Variants in RECQL5 observed in about 807,000 individuals in gnomAD.
RECQL5 encodes RecQ like helicase 5.
A neutral mutation model predicts 103.4 loss-of-function variants in RECQL5; 88 were observed. The ratio of observed to expected loss-of-function variants is 0.85; its 90% CI spans 0.72 to 1.02. The LOEUF (loss-of-function observed/expected upper bound fraction) is 1.02, where lower values mean the gene tolerates loss of function less well. Ranked by LOEUF, RECQL5 falls within the 50% of genes least tolerant of loss-of-function variation. RECQL5 has a pLI of 0.00. For synonymous variants in RECQL5, 552 were observed against 507.9 expected (o/e 1.09, Z -1.17); for missense variants, 1,232 against 1,284.3 (o/e 0.96, Z 0.62).
chr17:75,656,378 T>C (rs1029215148), intron 7 of RECQL5, among the ~76,000 whole-genome samples: 2 of 152,076 alleles, frequency 1.3e-5, no homozygotes, highest in Non-Finnish European at 2.9e-5. Flanking sequence ...GCACCCAGCC[T>C]ACTGGGGAGC....
intron 7 of RECQL5, among the ~76,000 whole-genome samples, chr17:75,657,723 G>A (rs902566956): frequency 6.6e-6 from 1 of 150,508 alleles, no homozygotes; most frequent in Non-Finnish European, 1.5e-5. Flanking sequence ...TTTAGCCTGG[G>A]TGACAGTGAG....
chr17:75,628,359 C>G lies in RECQL5; in HGVS notation c.2664G>C (p.Ser888=), dbSNP rs532669289. 6.2e-7 allele frequency: 1 copy of G among 1,613,958 alleles called. No homozygotes were observed. Among genetic ancestry groups the G allele is most frequent in the East Asian group, 2.2e-5 (1 of 44,898 alleles). Residue 888 remains serine, a synonymous_variant, in exon 18 of 20, where the codon TCG becomes TCC. Transcript: ENST00000317905. ...SVVAEVKGSV[S]ASEQGTLNPT... ...GATTCAAGGTGCCCTGTTCGCTGGC[C>G]GAGACGCTGCCCTTGACCTCAGCTA... is the stretch of plus-strand genomic sequence containing the variant.
rs748607605 is a variant in RECQL5, at chr17:75,630,848, G to GT, written c.1586-12_1586-11insA. ...GGGGACAGTTCTCATCTGTGGGGGG[G>GT]GGGGGTGGTCCTTGGTCCTTTCGCT... On this transcript the variant is annotated splice_polypyrimidine_tract_variant and intron_variant, in intron 11 of 19. Coordinates refer to ENST00000317905, the MANE Select transcript of RECQL5 (RefSeq NM_004259.7). 4.1e-6 allele frequency: 6 copies of GT among 1,457,010 alleles called. No homozygotes were observed. Among genetic ancestry groups the GT allele is most frequent in the Non-Finnish European group, 5.5e-6 (6 of 1,083,426 alleles). The allele number at this position is 1,457,010 out of a possible 1,614,324, so 90.3% of individuals were successfully genotyped here.
intron 7 of RECQL5, among the ~76,000 whole-genome samples, chr17:75,657,902 G>C (rs2059646896): frequency 6.6e-6 from 1 of 151,966 alleles, no homozygotes; most frequent in South Asian, 2.1e-4. Context: ...ACAAGAATTA[G>C]CTGGGCATGG....
chr17:75,635,728 G>A (rs550063179), intron 8 of RECQL5: 2 of 914,308 alleles, frequency 2.2e-6, no homozygotes, highest in African/African-American at 1.8e-5. Context: ...AACAGGGCAA[G>A]GGTGACTAAA....
rs1015680268 is a variant in RECQL5 at position 75,633,950 on chromosome 17, G to A, written c.1230-2282C>T. ...CTCTCAGGGCAGAGGTGAGGCACCG[G>A]GACATGAAGTTGGAGGACAAGTTCC... is the stretch of plus-strand genomic sequence containing the variant. On this transcript the variant is annotated intron_variant, in intron 8 of 19. Coordinates refer to ENST00000317905, the MANE Select transcript of RECQL5 (RefSeq NM_004259.7). 16 of 985,578 alleles carry A rather than the reference G, an allele frequency of 1.6e-5. No individual in the cohort carries two copies. The African/African-American group carries it at 2.8e-4, about 17-fold the overall frequency. The allele number at this position is 985,578 out of a possible 1,614,324, so 61.1% of individuals were successfully genotyped here.
chr17:75,657,318 G>A (rs1165432650), intron 7 of RECQL5, among the ~76,000 whole-genome samples: 2 of 152,004 alleles, frequency 1.3e-5, no homozygotes, highest in South Asian at 2.1e-4. Context: ...CCAGGAGTTC[G>A]AGGGTATACT....
chr17:75,658,740 A>G (rs1381742654), intron 6 of RECQL5, among the ~76,000 whole-genome samples: 1 of 152,238 alleles, frequency 6.6e-6, no homozygotes, highest in Non-Finnish European at 1.5e-5. Context: ...TACTGGACCT[A>G]AAGAAACAAA....
chr17:75,637,037 A>G (rs2059336644), intron 8 of RECQL5: 1 of 152,302 alleles, frequency 6.6e-6, no homozygotes, highest in Non-Finnish European at 1.5e-5. Context: ...TCCACCCGGC[A>G]TGAGTCTGCA....
At chr17:75,647,383 C>T (rs910163743) in intron 8 of RECQL5, 1 of 1,548,514 alleles carries the variant, frequency 6.5e-7, no homozygotes, top group Non-Finnish European at 8.7e-7. Flanking sequence ...TCTCATGGAC[C>T]AACTGGTATT....
At chr17:75,662,140 A>C (rs182926212) in intron 4 of RECQL5, among the ~76,000 whole-genome samples, 101 of 152,320 alleles carry the variant, frequency 6.6e-4, no homozygotes, top group African/African-American at 2.3e-3. Context: ...CAGCCTGGGC[A>C]ACAAGAGCAA....
intron 6 of RECQL5, among the ~76,000 whole-genome samples, chr17:75,660,663 T>C (rs1199997017): frequency 6.6e-6 from 1 of 152,202 alleles, no homozygotes; most frequent in Non-Finnish European, 1.5e-5. Context: ...CACCTCCTCA[T>C]AGGATCCACC....
chr17:75,635,744 CCATGACGAAACAA>C (rs1454438615), intron 8 of RECQL5: 1 of 976,074 alleles, frequency 1.0e-6, no homozygotes, highest in Admixed American at 6.1e-5. Flanking sequence ...CTAAAACCCA[CCATGACGAAACAA>C]CAGGGCAGAG....
chr17:75,647,309 A>T lies in RECQL5; in HGVS notation c.1229+3877T>A, dbSNP rs555210862. On this transcript the variant is annotated intron_variant, in intron 8 of 19. Transcript: ENST00000317905. ...AGGCTGGAGTCGGCGGGCAGAGCAT[A>T]GCACCTGGGACAGGGCCTGGGAGGG... 13 of 1,415,820 alleles carry T rather than the reference A, an allele frequency of 9.2e-6. No homozygotes were observed. In the South Asian group the frequency reaches 1.7e-4, roughly 18 times the overall value. 87.7% of individuals were successfully genotyped at this position (1,415,820 alleles called of 1,614,324 possible).
At chr17:75,661,097 C>A in intron 5 of RECQL5, 31 bp from the exon 6 acceptor site, 1 of 1,548,122 alleles carries the variant, frequency 6.5e-7, no homozygotes, top group Non-Finnish European at 8.9e-7. Context: ...GAGAAGGGAA[C>A]TCACATTTCC....
rs573377672 is a variant in RECQL5, at chr17:75,640,765, T to TCCCG, written c.1230-9101_1230-9098dup. 61 of 1,545,950 alleles carry TCCCG rather than the reference T, an allele frequency of 3.9e-5. 1 individual carries two copies. In the South Asian group the frequency reaches 6.4e-4, roughly 16 times the overall value. ...CATCCTTTCTCTCCCCCAACCTGAG[T>TCCCG]CCCGTGCTCTCTCCCGGCCCTCCAG... On this transcript the variant is annotated intron_variant, in intron 8 of 19. Transcript: ENST00000317905. This position sits in a 1 kb window ranked among gnomAD's most constrained non-coding sequence, Gnocchi z 4.6.
Position 75,661,040 on chromosome 17 carries a change from C to A in RECQL5, c.901G>T (p.Val301Leu). The change falls in exon 6 of 20, where the codon GTG (valine) becomes TTG (leucine). Residue 301 changes from valine (V) to leucine (L), a missense_variant. Transcript: ENST00000317905. ...TTCTCCTCCATCCAGTCGTTCTGCA[C>A]CAGCGTTCTTTCAGAGGCCTTCAGC... ...AGLKASERTLVQNDWMEEKVP... is the reference protein window; with the variant it reads ...AGLKASERTLLQNDWMEEKVP... 1 of 1,614,186 alleles carries A rather than the reference C, an allele frequency of 6.2e-7. No individual in the cohort carries two copies. Among genetic ancestry groups the A allele is most frequent in the Non-Finnish European group, 8.5e-7 (1 of 1,180,016 alleles).
At chr17:75,630,067 TG>T in intron 14 of RECQL5, 116 bp downstream of exon 14, 1 of 724,498 alleles carries the variant, frequency 1.4e-6, no homozygotes. Context: ...GTCTCTGGGG[TG>T]GGCTGGGGAG....
At chr17:75,644,344 T>C (rs2059465134) in intron 8 of RECQL5, among the ~76,000 whole-genome samples, 1 of 151,524 alleles carries the variant, frequency 6.6e-6, no homozygotes, top group South Asian at 2.1e-4. Flanking sequence ...CAGCATAGTA[T>C]ATCACATGCA....
Sources: gnomAD v4.1 joint callset for allele counts (sites outside exome capture counted in the v4.1 genomes callset) on GRCh38, gnomAD v4.1.1 for gene constraint, Gnocchi (gnomAD v3.1) non-coding constraint, MANE v1.5 for transcripts, NCBI Gene and HGNC (gene_info 2026-07-23, HGNC 2026-07-21) for gene names.